The following MOSMO variants were observed in gnomAD, a reference collection of about 807,000 sequenced individuals.
MOSMO encodes modulator of smoothened.
MOSMO carries 5 observed loss-of-function variants against 18.4 expected under a neutral mutation model. The observed-to-expected ratio is 0.27, with a 90% CI of 0.14 to 0.57. The LOEUF (loss-of-function observed/expected upper bound fraction) is 0.57. Ranked by LOEUF, MOSMO falls within the 20% of genes least tolerant of loss-of-function variation. The pLI, the probability that MOSMO is intolerant of heterozygous loss-of-function variation, is 0.92. For synonymous variants in MOSMO, 82 were observed against 82.3 expected, an observed-to-expected ratio of 1.00 and a Z score of 0.02; for missense variants, 138 against 211.8, an observed-to-expected ratio of 0.65 and a Z score of 2.16.
At chr16:22,079,973 A>G (rs1901044722) in intron 2 of MOSMO, among the ~76,000 whole-genome samples, 1 of 152,054 alleles carries the variant, frequency 6.6e-6, no homozygotes, top group Admixed American at 6.5e-5. Context: ...TAGTAGAGAC[A>G]GGGTTTCACC....
At chr16:22,056,185 CCTCT>C (rs1203071535) in intron 1 of MOSMO, among the ~76,000 whole-genome samples, 2 of 151,972 alleles carry the variant, frequency 1.3e-5, no homozygotes, top group Non-Finnish European at 2.9e-5. Context: ...GCCCGGAAGC[CCTCT>C]CTATTTGGGG....
chr16:22,028,370 T>G (rs1288470102), intron 1 of MOSMO, among the ~76,000 whole-genome samples: 1 of 147,766 alleles, frequency 6.8e-6, no homozygotes, highest in Non-Finnish European at 1.5e-5. Flanking sequence ...TTTTTTATGT[T>G]TTTTTTTTTT....
chr16:22,044,484 T>C (rs998875085), intron 1 of MOSMO, among the ~76,000 whole-genome samples: 1 of 152,188 alleles, frequency 6.6e-6, no homozygotes, highest in African/African-American at 2.4e-5. Context: ...CCAAAACTTT[T>C]TGAGCACTGA....
intron 1 of MOSMO, among the ~76,000 whole-genome samples, chr16:22,030,710 G>T (rs1043233723): frequency 6.6e-6 from 1 of 152,236 alleles, no homozygotes; most frequent in East Asian, 1.9e-4. Flanking sequence ...TCTATTTTTA[G>T]TAGAGACGGA....
intron 1 of MOSMO, among the ~76,000 whole-genome samples, chr16:22,020,114 G>A (rs1265400603): frequency 6.6e-6 from 1 of 150,586 alleles, no homozygotes; most frequent in Non-Finnish European, 1.5e-5. Flanking sequence ...TCAGGAGGCT[G>A]AGGCAGGAGA....
chr16:22,070,404 G>A (rs725408), intron 1 of MOSMO, among the ~76,000 whole-genome samples: 6,571 of 152,222 alleles, frequency 0.043, 559 homozygotes, highest in East Asian at 0.39. Flanking sequence ...TGCATGAAAA[G>A]ATAAAAGGTG....
intron 1 of MOSMO, among the ~76,000 whole-genome samples, chr16:22,015,243 A>G (rs1899613760): frequency 6.6e-6 from 1 of 151,830 alleles, no homozygotes; most frequent in Non-Finnish European, 1.5e-5. Flanking sequence ...AAGTTCATAC[A>G]TGTTATGACT....
intron 1 of MOSMO, among the ~76,000 whole-genome samples, chr16:22,013,884 G>C (rs552798324): frequency 6.6e-6 from 1 of 151,484 alleles, no homozygotes; most frequent in Non-Finnish European, 1.5e-5. Context: ...ACTGTTTGGG[G>C]GGGGGGAATC....
chr16:22,047,387 G>GGCGCCCGTCACC (rs1263217581), intron 1 of MOSMO, among the ~76,000 whole-genome samples: 1 of 151,820 alleles, frequency 6.6e-6, no homozygotes, highest in African/African-American at 2.4e-5. Context: ...TGGGACTACA[G>GGCGCCCGTCACC]GCGCCCGTCA....
At chr16:22,033,291 C>G (rs1900034275) in intron 1 of MOSMO, among the ~76,000 whole-genome samples, 1 of 152,154 alleles carries the variant, frequency 6.6e-6, no homozygotes, top group Non-Finnish European at 1.5e-5. Flanking sequence ...GAAGTATCGT[C>G]TAAGTCTTCT....
At chr16:22,059,795 G>A (rs1301417410) in intron 1 of MOSMO, among the ~76,000 whole-genome samples, 4 of 152,206 alleles carry the variant, frequency 2.6e-5, no homozygotes, top group African/African-American at 9.6e-5. Context: ...TATAATTCAA[G>A]ATGAGATTTT....
chr16:22,069,529 A>G (rs1396289349), intron 1 of MOSMO, among the ~76,000 whole-genome samples: 1 of 152,206 alleles, frequency 6.6e-6, no homozygotes, highest in African/African-American at 2.4e-5. Context: ...GCAGGAGGAA[A>G]CCCAGTAGAT....
chr16:22,035,940 G>A (rs750064186), intron 1 of MOSMO, among the ~76,000 whole-genome samples: 3 of 152,120 alleles, frequency 2.0e-5, no homozygotes, highest in Non-Finnish European at 4.4e-5. Flanking sequence ...CTCACTGCTA[G>A]TGTATAGGAA....
At position 22,019,500 on chromosome 16, in the gene MOSMO, ATTTGTGTGGTACTT is replaced by A. The variant is rs1452127679; in HGVS notation, c.106+11094_106+11107del. On this transcript the variant is annotated intron_variant, in intron 1 of 2. Transcript: ENST00000542527. ...ATGGTAGCATATCTGTGTCATGGTT[ATTTGTGTGGTACTT>A]GCCCTATTTTCTAGTATAATTTTTT... 1.1e-4 allele frequency among the ~76,000 whole-genome samples: 16 copies of A among 152,194 alleles called. No individual in the cohort carries two copies. The South Asian group carries it at 3.3e-3, about 32-fold the overall frequency.
At chr16:22,073,801 T>G (rs1900908473) in intron 1 of MOSMO, among the ~76,000 whole-genome samples, 3 of 151,912 alleles carry the variant, frequency 2.0e-5, no homozygotes, top group Admixed American at 2.0e-4. Flanking sequence ...TTGTGAAGAT[T>G]TGTGTACTTT....
chr16:22,072,644 T>C (rs2141776459), intron 1 of MOSMO, among the ~76,000 whole-genome samples: 1 of 152,196 alleles, frequency 6.6e-6, no homozygotes, highest in East Asian at 1.9e-4. Context: ...ACCCCGTCTC[T>C]ACTAAAAATA....
At chr16:22,039,717 G>A (rs1900174971) in intron 1 of MOSMO, among the ~76,000 whole-genome samples, 1 of 152,148 alleles carries the variant, frequency 6.6e-6, no homozygotes, top group Admixed American at 6.5e-5. Context: ...TGGTATTTTA[G>A]AAATATGCAT....
chr16:22,058,675 A>C (rs1900585817), intron 1 of MOSMO, among the ~76,000 whole-genome samples: 1 of 152,160 alleles, frequency 6.6e-6, no homozygotes, highest in Non-Finnish European at 1.5e-5. Context: ...AACTGGATGA[A>C]TAGTGGTGCC....
At chr16:22,091,975 C>T (rs1901342507), downstream of MOSMO, among the ~76,000 whole-genome samples, 1 of 152,176 alleles carries the variant, frequency 6.6e-6, no homozygotes, top group Admixed American at 6.5e-5. Context: ...GAATCAATCT[C>T]CTGAATGGGA....
Sources: allele counts gnomAD v4.1 joint callset (sites outside exome capture counted in the v4.1 genomes callset), GRCh38; gene constraint gnomAD v4.1.1; transcripts MANE v1.5; gene names NCBI Gene and HGNC (gene_info 2026-07-23, HGNC 2026-07-21).